NRCAM: variants seen among roughly 807,000 people sequenced by gnomAD.
The protein encoded by NRCAM is neuronal cell adhesion molecule.
Under a neutral mutation model 156.5 loss-of-function variants are expected in NRCAM, and 83 were observed. The observed-to-expected ratio is 0.53, with a 90% CI of 0.44 to 0.64. The LOEUF is 0.64. NRCAM is among the 30% of genes least tolerant of loss of function. The probability of loss-of-function intolerance (pLI) is 0.00; values close to 1 mark genes in which losing one functional copy is unlikely to be tolerated. For missense variants in NRCAM, 1,417 were observed against 1,597.3 expected (o/e 0.89, Z 1.92); for synonymous variants, 538 against 563.9 (o/e 0.95, Z 0.65).
At chr7:108,178,262 G>A in intron 25 of NRCAM, 150 bp from the exon 26 acceptor site, 1 of 649,808 alleles carries the variant, frequency 1.5e-6, no homozygotes, top group Non-Finnish European at 2.6e-6. Flanking sequence ...ACAAACCTGT[G>A]ACAGGCACCC....
intron 3 of NRCAM, among the ~76,000 whole-genome samples, chr7:108,311,715 C>G (rs2098806086): frequency 6.6e-6 from 1 of 152,182 alleles, no homozygotes; most frequent in African/African-American, 2.4e-5. Flanking sequence ...GCAAATTCAG[C>G]TGAGGCATGA....
At chr7:108,178,335 T>C (rs1486110473) in intron 25 of NRCAM, 9 of 505,318 alleles carry the variant, frequency 1.8e-5, no homozygotes, top group Non-Finnish European at 2.1e-5. Context: ...AAAACCATCC[T>C]CTCAAAACAC....
chr7:108,168,383 C>A lies in NRCAM; in HGVS notation c.3207G>T (p.Arg1069Ser). 1.9e-6 allele frequency: 3 copies of A among 1,604,938 alleles called. No homozygotes were observed. Among genetic ancestry groups the A allele is most frequent in the Non-Finnish European group, 2.5e-6 (3 of 1,176,548 alleles). Residue 1069 changes from arginine to serine, a missense_variant, in exon 29 of 33, where the codon AGG becomes AGT. Transcript: ENST00000379028. ...CAGCTGCAGCAGTAAGATTGCTGAT[C>A]CTGGGATTTACTGCTTGAACTAAAC... Reference protein sequence around the residue: ...GAGKVQAVNPRISNLTAAAAE... With the variant: ...GAGKVQAVNPSISNLTAAAAE...
intron 2 of NRCAM, among the ~76,000 whole-genome samples, chr7:108,320,151 A>G (rs1263866430): frequency 6.6e-6 from 1 of 152,178 alleles, no homozygotes; most frequent in Non-Finnish European, 1.5e-5. Flanking sequence ...TTTGGTATTG[A>G]TCAAACATAG....
intron 13 of NRCAM, among the ~76,000 whole-genome samples, chr7:108,201,583 A>T (rs1221503895): frequency 6.6e-6 from 1 of 152,116 alleles, no homozygotes; most frequent in East Asian, 1.9e-4. Context: ...TTTTTACCAC[A>T]ATAATAATAA....
At chr7:108,340,427 A>G (rs1191477135) in intron 2 of NRCAM, among the ~76,000 whole-genome samples, 7 of 152,208 alleles carry the variant, frequency 4.6e-5, no homozygotes, top group Non-Finnish European at 1.0e-4. Context: ...ACATGGAGAG[A>G]TGTAATGTTA....
chr7:108,254,778 T>C (rs1007913914), intron 3 of NRCAM, among the ~76,000 whole-genome samples: 3 of 152,084 alleles, frequency 2.0e-5, no homozygotes, highest in African/African-American at 7.2e-5. Context: ...CTCGAATTCC[T>C]GAGCTTTAGT....
At chr7:108,240,279 A>G (rs984999034) in intron 3 of NRCAM, 109 bp from the exon 4 acceptor site, 7 of 366,062 alleles carry the variant, frequency 1.9e-5, no homozygotes, top group African/African-American at 4.2e-5. Context: ...CATGAACTCT[A>G]AAAGAAAGTT....
In NRCAM at chr7:108,382,649, A is replaced by C. The variant is rs543528918; in HGVS notation, c.-174+16787T>G. ...GAAAGAAAAAAGAAAACCCTAAACT[A>C]ACAGGGCAATCTGTAGAGGTACCCT... On this transcript the variant is annotated intron_variant, in intron 2 of 32. Coordinates refer to ENST00000379028, the MANE Select transcript of NRCAM (RefSeq NM_001037132.4). Among the ~76,000 whole-genome samples the C allele has an allele frequency of 4.6e-5, 7 of 152,142 alleles. No homozygotes were observed. In the South Asian group the frequency reaches 1.5e-3, roughly 32 times the overall value.
At position 108,389,167 on chromosome 7, in the gene NRCAM, G is replaced by A. The variant is rs568122931; in HGVS notation, c.-174+10269C>T. Among the ~76,000 whole-genome samples the A allele has an allele frequency of 3.2e-4, 48 of 152,146 alleles. No individual in the cohort carries two copies. The East Asian group carries it at 6.8e-3, about 21-fold the overall frequency. ...CCTTGGGCAGTATGGCCATTTTCAC[G>A]ATATTGATTCTTCCTATCCATGAGC... is the stretch of plus-strand genomic sequence containing the variant. On this transcript the variant is annotated intron_variant, in intron 2 of 32. Transcript: ENST00000379028.
At position 108,207,470 on chromosome 7, in the gene NRCAM, C is replaced by T. The variant is rs1245600156; in HGVS notation, c.1207+58G>A. 3.2e-5 allele frequency: 49 copies of T among 1,544,304 alleles called. No homozygotes were observed. In the Admixed American group the frequency reaches 3.5e-4, roughly 11 times the overall value. ...TTTTTTATCACCATTTATTCACTGT[C>T]GGGATGTATATATGCTCTGAAAATA... On this transcript the variant is annotated intron_variant, in intron 13 of 32. Coordinates refer to ENST00000379028, the MANE Select transcript of NRCAM (RefSeq NM_001037132.4).
intron 1 of NRCAM, among the ~76,000 whole-genome samples, chr7:108,444,138 G>A (rs1164089314): frequency 1.3e-5 from 2 of 152,070 alleles, no homozygotes; most frequent in African/African-American, 2.4e-5. Context: ...TATAGTGTAA[G>A]AACTATTTAC....
At chr7:108,404,345 A>T (rs1301913246) in intron 1 of NRCAM, among the ~76,000 whole-genome samples, 1 of 152,200 alleles carries the variant, frequency 6.6e-6, no homozygotes, top group Non-Finnish European at 1.5e-5. Flanking sequence ...AGACTCTAAG[A>T]CTTGGCAGCT....
At chr7:108,371,395 A>C (rs1345789024) in intron 2 of NRCAM, among the ~76,000 whole-genome samples, 1 of 152,102 alleles carries the variant, frequency 6.6e-6, no homozygotes, top group Non-Finnish European at 1.5e-5. Context: ...ACAACCAGTA[A>C]GCAGGGAGGG....
chr7:108,232,446 T>C lies in NRCAM; in HGVS notation c.307A>G (p.Thr103Ala), dbSNP rs368515654. Residue 103 changes from threonine (T) to alanine (A), a missense_variant, in exon 7 of 33, where the codon ACG becomes GCG. Physicochemically the swap from Thr to Ala is moderately conservative, Grantham distance 58. Coordinates refer to ENST00000379028, the MANE Select transcript of NRCAM (RefSeq NM_001037132.4). The stretch of plus-strand genomic sequence containing the variant: ...TCGCTCATGATGTTAATTATGAGCG[T>C]TCCTGTGCCAGGCTTCATGGTGACC... ...PLVTMKPGTG[T>A]LIINIMSEGK... The C allele has an allele frequency of 6.2e-7, 1 of 1,613,536 alleles. No individual in the cohort carries two copies. The highest frequency in any genetic ancestry group is 8.5e-7 in the Non-Finnish European group (1 of 1,179,698).
chr7:108,337,497 C>T (rs894798122), intron 2 of NRCAM, among the ~76,000 whole-genome samples: 3 of 152,150 alleles, frequency 2.0e-5, no homozygotes, highest in Admixed American at 1.3e-4. Context: ...CCTGATCCAG[C>T]GAGGGGCCCA....
chr7:108,306,014 A>AC (rs2098709773), intron 3 of NRCAM, among the ~76,000 whole-genome samples: 1 of 152,218 alleles, frequency 6.6e-6, no homozygotes, highest in Non-Finnish European at 1.5e-5. Context: ...TTCCACAAAT[A>AC]CTCTCTGTGA....
Position 108,172,762 on chromosome 7 carries a change from C to T in NRCAM, c.3187+2560G>A, listed in dbSNP as rs1236106104. Among the ~76,000 whole-genome samples, 3 of 152,224 alleles carry T rather than the reference C, an allele frequency of 2.0e-5. No individual in the cohort carries two copies. The East Asian group carries it at 5.8e-4, about 29-fold the overall frequency. On this transcript the variant is annotated intron_variant, in intron 28 of 32. Coordinates refer to ENST00000379028, the MANE Select transcript of NRCAM (RefSeq NM_001037132.4). The stretch of plus-strand genomic sequence containing the variant: ...ATGGTAAGAAGAAGGGTTAGTATGG[C>T]ATCATATAGTTAATTGAATTATCCT...
chr7:108,217,586 G>A (rs2089978198), intron 11 of NRCAM, among the ~76,000 whole-genome samples: 1 of 152,188 alleles, frequency 6.6e-6, no homozygotes, highest in Non-Finnish European at 1.5e-5. Flanking sequence ...CTTTGACTGG[G>A]GCTGCTGCCT....
Sources: gnomAD v4.1 joint callset for allele counts (sites outside exome capture counted in the v4.1 genomes callset) on GRCh38, gnomAD v4.1.1 for gene constraint, MANE v1.5 for transcripts, NCBI Gene and HGNC (gene_info 2026-07-23, HGNC 2026-07-21) for gene names.